The following GALNT18 variants were observed in gnomAD, a reference collection of about 807,000 sequenced individuals.
GALNT18 encodes GalNAc-transferase 18.
In GALNT18, 44 loss-of-function variants were observed where a neutral mutation model predicts 69.5. The observed-to-expected ratio is 0.63, with a 90% CI of 0.50 to 0.81. The LOEUF is 0.81. Ranked by LOEUF, GALNT18 falls within the 40% of genes least tolerant of loss-of-function variation. The pLI is 0.00. For missense variants in GALNT18, 715 were observed against 810.0 expected, an observed-to-expected ratio of 0.88 and a Z score of 1.42; for synonymous variants, 364 against 318.2, an observed-to-expected ratio of 1.14 and a Z score of -1.53.
At chr11:11,374,536 T>C (rs899403431) in intron 5 of GALNT18, among the ~76,000 whole-genome samples, 1 of 152,118 alleles carries the variant, frequency 6.6e-6, no homozygotes, top group Admixed American at 6.5e-5. Context: ...GCTGGAAAAA[T>C]GCTTTCAGGA....
At chr11:11,406,269 G>T (rs1218250062) in intron 3 of GALNT18, among the ~76,000 whole-genome samples, 1 of 152,164 alleles carries the variant, frequency 6.6e-6, no homozygotes, top group Non-Finnish European at 1.5e-5. Flanking sequence ...ACCCTCCTTT[G>T]GTAGGTAGGA....
rs1363229753 is a variant in GALNT18, at chr11:11,621,596, T to C, written c.-3A>G. ...TTGGTCTTCCTGGTGCACACCATTC[T>C]GGGCTCCTTCCTCCATATAGAGCTC... On this transcript the variant is annotated 5_prime_UTR_variant, in exon 1 of 11. Transcript: ENST00000227756. The surrounding 1 kb of genome is among the most constrained non-coding windows in gnomAD (Gnocchi z 9.3). 6.3e-7 allele frequency: 1 copy of C among 1,582,882 alleles called. No individual in the cohort carries two copies. Among genetic ancestry groups the C allele is most frequent in the Admixed American group, 1.8e-5 (1 of 54,640 alleles).
At chr11:11,371,638 C>A (rs968311653) in intron 6 of GALNT18, among the ~76,000 whole-genome samples, 2 of 148,182 alleles carry the variant, frequency 1.3e-5, no homozygotes, top group Non-Finnish European at 1.5e-5. Flanking sequence ...TGGGGGCCAT[C>A]GTGGGGAGGA....
At chr11:11,381,065 T>C (rs1304018849) in intron 3 of GALNT18, among the ~76,000 whole-genome samples, 2 of 152,124 alleles carry the variant, frequency 1.3e-5, no homozygotes, top group Admixed American at 1.3e-4. Context: ...GACCTCAAGA[T>C]CTCCAATTGC....
At position 11,595,730 on chromosome 11, in the gene GALNT18, G is replaced by A. The variant is rs140687636; in HGVS notation, c.235+25629C>T. Among the ~76,000 whole-genome samples, 1 of 152,180 alleles carries A rather than the reference G, an allele frequency of 6.6e-6. No homozygotes were observed. The highest frequency in any genetic ancestry group is 6.5e-5 in the Admixed American group (1 of 15,282). ...GATGTTTTGCCTATTTTTTAATTGTGTCATTTATCACCTTTACTATTGCAT... is the reference window on the plus strand; with the variant it reads ...GATGTTTTGCCTATTTTTTAATTGTATCATTTATCACCTTTACTATTGCAT... On this transcript the variant is annotated intron_variant, in intron 1 of 10. Transcript: ENST00000227756. The surrounding 1 kb of genome is among the most constrained non-coding windows in gnomAD (Gnocchi z 5.2).
intron 6 of GALNT18, among the ~76,000 whole-genome samples, chr11:11,349,803 T>C (rs1298407775): frequency 6.6e-6 from 1 of 152,242 alleles, no homozygotes; most frequent in African/African-American, 2.4e-5. Context: ...TAAGAGAACA[T>C]TTAAAAAATC....
intron 3 of GALNT18, among the ~76,000 whole-genome samples, chr11:11,412,728 G>A (rs969515337): frequency 5.3e-5 from 8 of 152,192 alleles, no homozygotes; most frequent in African/African-American, 1.9e-4. Context: ...TGCTGTTGAT[G>A]CCCAACTGAT....
At chr11:11,425,616 C>CT (rs56151020) in intron 3 of GALNT18, among the ~76,000 whole-genome samples, 28 of 149,772 alleles carry the variant, frequency 1.9e-4, no homozygotes, top group Middle Eastern at 3.5e-3. Flanking sequence ...GCAAAGAAAA[C>CT]TTTTTTTTTT....
At chr11:11,442,351 G>A (rs908162220) in intron 2 of GALNT18, among the ~76,000 whole-genome samples, 7 of 152,112 alleles carry the variant, frequency 4.6e-5, no homozygotes, top group South Asian at 2.1e-4. Context: ...AGCAATCTTC[G>A]TTCCATCGGC....
intron 1 of GALNT18, among the ~76,000 whole-genome samples, chr11:11,547,735 A>T (rs1174527465): frequency 6.6e-6 from 1 of 152,148 alleles, no homozygotes; most frequent in Non-Finnish European, 1.5e-5. Context: ...CTACGCTGCA[A>T]TTGGGGTGAG....
intron 1 of GALNT18, among the ~76,000 whole-genome samples, chr11:11,581,124 C>T (rs987486228): frequency 4.6e-5 from 7 of 152,322 alleles, no homozygotes; most frequent in East Asian, 1.9e-4. Context: ...GCCAAGGCTG[C>T]GGCAGCCAGA....
rs1333347180 is a variant in GALNT18, at chr11:11,379,749, G to T, written c.596-485C>A. ...TCCCTCTGCCAAGACCCCAGCCCAGGATCCGCTCTCTGCCTGGATCTCCAT... is the reference window on the plus strand; with the variant it reads ...TCCCTCTGCCAAGACCCCAGCCCAGTATCCGCTCTCTGCCTGGATCTCCAT... On this transcript the variant is annotated intron_variant, in intron 3 of 10. Transcript: ENST00000227756. Among the ~76,000 whole-genome samples, 4 of 152,202 alleles carry T rather than the reference G, an allele frequency of 2.6e-5. No homozygotes were observed. The East Asian group carries it at 5.8e-4, about 22-fold the overall frequency.
chr11:11,331,869 C>T (rs1850022856), intron 8 of GALNT18, among the ~76,000 whole-genome samples: 1 of 152,112 alleles, frequency 6.6e-6, no homozygotes, highest in South Asian at 2.1e-4. Flanking sequence ...AATCAAAATA[C>T]CATTTAAAAT....
intron 3 of GALNT18, among the ~76,000 whole-genome samples, chr11:11,403,203 T>C (rs1007298218): frequency 6.6e-6 from 1 of 152,176 alleles, no homozygotes; most frequent in Admixed American, 6.5e-5. Flanking sequence ...CTTCCACAGT[T>C]AGTTTATCCA....
chr11:11,615,883 T>C (rs1215514374), intron 1 of GALNT18, among the ~76,000 whole-genome samples: 1 of 152,228 alleles, frequency 6.6e-6, no homozygotes, highest in Non-Finnish European at 1.5e-5. Flanking sequence ...CCCTAAGGCA[T>C]CTATGTAAAA....
intron 3 of GALNT18, among the ~76,000 whole-genome samples, chr11:11,384,106 T>G (rs1347188083): frequency 1.3e-5 from 2 of 152,120 alleles, no homozygotes; most frequent in Non-Finnish European, 2.9e-5. Context: ...ACTAATCTAG[T>G]TGCTGTGATT....
intron 3 of GALNT18, among the ~76,000 whole-genome samples, chr11:11,420,488 C>A (rs764938004): frequency 6.6e-6 from 1 of 152,164 alleles, no homozygotes; most frequent in Non-Finnish European, 1.5e-5. Context: ...TTTGGGGCAG[C>A]CTTTCAGGAA....
At chr11:11,477,218 T>A (rs1035236198) in intron 1 of GALNT18, among the ~76,000 whole-genome samples, 1 of 152,150 alleles carries the variant, frequency 6.6e-6, no homozygotes, top group Non-Finnish European at 1.5e-5. Flanking sequence ...CAGCCTGCAA[T>A]TGTTTTAGTA....
At position 11,505,435 on chromosome 11, in the gene GALNT18, C is replaced by T. The variant is rs370099962; in HGVS notation, c.236-56499G>A. Among the ~76,000 whole-genome samples, 101 of 152,282 alleles carry T rather than the reference C, an allele frequency of 6.6e-4. 2 individuals carry two copies. The South Asian group carries it at 0.02, about 30-fold the overall frequency. ...CTGACTCCTATGCCCACAGCAGATC[C>T]AAGTAATCAATCACAGCACTCTCTC... On this transcript the variant is annotated intron_variant, in intron 1 of 10. Coordinates refer to ENST00000227756, the MANE Select transcript of GALNT18 (RefSeq NM_198516.3). This position sits in a 1 kb window ranked among gnomAD's most constrained non-coding sequence, Gnocchi z 4.6.
Sources: allele counts gnomAD v4.1 joint callset (sites outside exome capture counted in the v4.1 genomes callset), GRCh38; gene constraint gnomAD v4.1.1; non-coding constraint Gnocchi (gnomAD v3.1); transcripts MANE v1.5; gene names NCBI Gene and HGNC (gene_info 2026-07-23, HGNC 2026-07-21).